The following PLCL1 variants were observed in gnomAD, a reference collection of about 807,000 sequenced individuals.
The protein encoded by PLCL1 is inactive phospholipase C-like protein 1.
A neutral mutation model predicts 84.4 loss-of-function variants in PLCL1; 41 were observed. That is an observed-to-expected ratio of 0.49 (90% CI 0.38 to 0.63). PLCL1 has a LOEUF of 0.63. Ranked by LOEUF, PLCL1 falls within the 30% of genes least tolerant of loss-of-function variation. The pLI is 0.00. For synonymous variants in PLCL1, 490 were observed against 488.3 expected, an observed-to-expected ratio of 1.00 and a Z score of -0.05; for missense variants, 1,206 against 1,367.8, an observed-to-expected ratio of 0.88 and a Z score of 1.87.
chr2:198,146,723 C>G, intron 5 of PLCL1, 57 bp from the exon 6 acceptor site: 1 of 1,428,766 alleles, frequency 7.0e-7, no homozygotes, highest in East Asian at 2.3e-5. Flanking sequence ...TGATGTCACT[C>G]AGCACATGCC....
At chr2:197,940,892 A>G (rs539352925) in intron 1 of PLCL1, among the ~76,000 whole-genome samples, 1 of 152,376 alleles carries the variant, frequency 6.6e-6, no homozygotes, top group South Asian at 2.1e-4. Context: ...AGCAATATTT[A>G]AGATCAGAAA....
intron 1 of PLCL1, among the ~76,000 whole-genome samples, chr2:197,942,497 C>T (rs546623781): frequency 1.3e-5 from 2 of 152,278 alleles, no homozygotes; most frequent in South Asian, 4.2e-4. Context: ...CTAATTTCCC[C>T]CTGTAATTAT....
At chr2:198,017,624 G>A (rs562532219) in intron 1 of PLCL1, among the ~76,000 whole-genome samples, 1 of 152,202 alleles carries the variant, frequency 6.6e-6, no homozygotes, top group African/African-American at 2.4e-5. Flanking sequence ...GTAGCACATT[G>A]TAATGATATT....
chr2:197,820,210 G>A (rs1490882474), intron 1 of PLCL1, among the ~76,000 whole-genome samples: 1 of 152,064 alleles, frequency 6.6e-6, no homozygotes, highest in African/African-American at 2.4e-5. Flanking sequence ...AACTCCTAGG[G>A]CTGGGTTTTG....
At chr2:197,958,927 T>TGTGTAATTAAGA (rs1689549813) in intron 1 of PLCL1, among the ~76,000 whole-genome samples, 2 of 121,342 alleles carry the variant, frequency 1.6e-5, no homozygotes, top group Non-Finnish European at 3.6e-5. Context: ...TATTGCCTCT[T>TGTGTAATTAAGA]AATTACTACA....
chr2:198,129,362 G>T (rs1694068220), intron 5 of PLCL1, among the ~76,000 whole-genome samples: 1 of 152,002 alleles, frequency 6.6e-6, no homozygotes. Context: ...CCTTATCTTT[G>T]CCCAGACACT....
intron 1 of PLCL1, among the ~76,000 whole-genome samples, chr2:198,013,688 C>T (rs959844730): frequency 6.6e-6 from 1 of 152,078 alleles, no homozygotes; most frequent in African/African-American, 2.4e-5. Flanking sequence ...TATAAGAAAG[C>T]TGTGAGAATG....
intron 3 of PLCL1, among the ~76,000 whole-genome samples, chr2:198,096,915 G>A (rs1057209028): frequency 1.3e-5 from 2 of 152,154 alleles, no homozygotes; most frequent in East Asian, 1.9e-4. Flanking sequence ...TTATATCAGT[G>A]TTATAACCAG....
chr2:197,966,632 G>A (rs2105793846), intron 1 of PLCL1, among the ~76,000 whole-genome samples: 1 of 152,238 alleles, frequency 6.6e-6, no homozygotes, highest in South Asian at 2.1e-4. Flanking sequence ...GGAAGGGATG[G>A]CACTGGCAAT....
intron 1 of PLCL1, among the ~76,000 whole-genome samples, chr2:197,948,375 G>A (rs1689322762): frequency 6.6e-6 from 1 of 152,182 alleles, no homozygotes; most frequent in South Asian, 2.1e-4. Flanking sequence ...TTAGAGAAAG[G>A]GAGTGGGACT....
At chr2:198,079,721 C>T (rs1323216875) in intron 1 of PLCL1, among the ~76,000 whole-genome samples, 1 of 151,996 alleles carries the variant, frequency 6.6e-6, no homozygotes, top group South Asian at 2.1e-4. Flanking sequence ...CCATATAAAC[C>T]CAATTTTGTT....
intron 1 of PLCL1, among the ~76,000 whole-genome samples, chr2:198,027,620 A>G (rs1343495018): frequency 5.3e-5 from 8 of 152,082 alleles, no homozygotes; most frequent in Non-Finnish European, 1.2e-4. Flanking sequence ...AATATATACA[A>G]TTTTTGTCAC....
intron 1 of PLCL1, among the ~76,000 whole-genome samples, chr2:198,035,545 G>A (rs1201825447): frequency 1.3e-5 from 2 of 152,082 alleles, no homozygotes; most frequent in Admixed American, 1.3e-4. Context: ...GAATGATGGG[G>A]ACATGTCAAA....
intron 1 of PLCL1, among the ~76,000 whole-genome samples, chr2:197,923,917 A>G (rs1415093608): frequency 6.6e-6 from 1 of 151,530 alleles, no homozygotes; most frequent in African/African-American, 2.4e-5. Flanking sequence ...GCACCTCGGG[A>G]GGCCAAGGCT....
intron 1 of PLCL1, among the ~76,000 whole-genome samples, chr2:197,857,944 T>C (rs185777572): frequency 6.4e-4 from 97 of 152,206 alleles, no homozygotes; most frequent in African/African-American, 2.2e-3. Flanking sequence ...TGAGGGCATT[T>C]ACTCTGCAGT....
intron 1 of PLCL1, among the ~76,000 whole-genome samples, chr2:197,821,921 G>A (rs1690825225): frequency 6.6e-6 from 1 of 152,134 alleles, no homozygotes; most frequent in Non-Finnish European, 1.5e-5. Context: ...GAGGGAATCA[G>A]ACATTATTCT....
rs191311506 is a variant in PLCL1 at position 197,964,804 on chromosome 2, G to C, written c.241-118954G>C. Among the ~76,000 whole-genome samples, 1,062 of 152,036 alleles carry C rather than the reference G, an allele frequency of 7.0e-3. 6 individuals are homozygous for C. Among genetic ancestry groups the C allele is most frequent in the South Asian group, 0.019 (90 of 4,822 alleles). ...GAGTTTTTATCATGAAGGGATATTG[G>C]ATTTTATCAAATGCTTTTTCAGCAT... On this transcript the variant is annotated intron_variant, in intron 1 of 5. Transcript: ENST00000428675.
At chr2:197,968,463 T>TTCA (rs1689792905) in intron 1 of PLCL1, among the ~76,000 whole-genome samples, 1 of 152,192 alleles carries the variant, frequency 6.6e-6, no homozygotes, top group Non-Finnish European at 1.5e-5. Context: ...AACAAAAGTA[T>TTCA]TCATCATTTT....
At chr2:197,978,271 T>TA (rs763782310) in intron 1 of PLCL1, among the ~76,000 whole-genome samples, 16 of 152,118 alleles carry the variant, frequency 1.1e-4, no homozygotes, top group Non-Finnish European at 1.6e-4. Context: ...GGTCAGGAGA[T>TA]AGAGACCATC....
Sources: allele counts gnomAD v4.1 joint callset (sites outside exome capture counted in the v4.1 genomes callset), GRCh38; gene constraint gnomAD v4.1.1; transcripts MANE v1.5; gene names NCBI Gene and HGNC (gene_info 2026-07-23, HGNC 2026-07-21).